Variants in PLAAT1 observed in about 807,000 individuals in gnomAD.
PLAAT1 encodes the protein H-REV107 protein-related protein.
In PLAAT1, 13 loss-of-function variants were observed where a neutral mutation model predicts 16.4. The ratio of observed to expected loss-of-function variants is 0.79; its 90% CI spans 0.52 to 1.26. The LOEUF (loss-of-function observed/expected upper bound fraction) is 1.26. Among genes scored for constraint, PLAAT1 ranks in the 50% most tolerant of loss-of-function variants. PLAAT1 has a pLI of 0.00. For synonymous variants in PLAAT1, 73 were observed against 78.4 expected, an observed-to-expected ratio of 0.93 and a Z score of 0.36; for missense variants, 218 against 207.8, an observed-to-expected ratio of 1.05 and a Z score of -0.30.
intron 2 of PLAAT1, chr3:193,276,821 T>C (rs1488065539): frequency 3.7e-6 from 6 of 1,613,108 alleles, no homozygotes; most frequent in Admixed American, 1.7e-5. Context: ...GATGTTATGG[T>C]TGGGATCAAC....
intron 2 of PLAAT1, among the ~76,000 whole-genome samples, chr3:193,257,688 G>A (rs962494678): frequency 4.6e-5 from 7 of 152,284 alleles, no homozygotes; most frequent in African/African-American, 1.7e-4. Flanking sequence ...GTGTGTCTGT[G>A]AGGGTGTTGC....
At chr3:193,268,741 T>C (rs886846125) in intron 3 of PLAAT1, among the ~76,000 whole-genome samples, 1 of 152,200 alleles carries the variant, frequency 6.6e-6, no homozygotes, top group Non-Finnish European at 1.5e-5. Context: ...ATATCTGGCC[T>C]TTGTCATCTC....
At chr3:193,246,423 G>T (rs1279347127) in intron 1 of PLAAT1, among the ~76,000 whole-genome samples, 3 of 152,046 alleles carry the variant, frequency 2.0e-5, no homozygotes, top group Admixed American at 6.6e-5. Context: ...GGAGTGCAGT[G>T]GTGTGATCTT....
intron 1 of PLAAT1, among the ~76,000 whole-genome samples, chr3:193,252,951 T>C (rs985179210): frequency 2.6e-5 from 4 of 152,150 alleles, no homozygotes; most frequent in African/African-American, 9.6e-5. Context: ...GAAGCCTCAA[T>C]AGGAGCAGCA....
At chr3:193,264,955 A>G (rs796814104) in intron 3 of PLAAT1, among the ~76,000 whole-genome samples, 12 of 152,382 alleles carry the variant, frequency 7.9e-5, no homozygotes, top group African/African-American at 2.9e-4. Context: ...TCAAAGCCAC[A>G]ATGAGATTTC....
chr3:193,273,410 G>T (rs986536291), downstream of PLAAT1, among the ~76,000 whole-genome samples: 11 of 152,260 alleles, frequency 7.2e-5, no homozygotes, highest in African/African-American at 2.6e-4. Flanking sequence ...AACACAGAGG[G>T]ATTGTTTTTA....
At chr3:193,269,811 A>T (rs1716921932) in intron 3 of PLAAT1, among the ~76,000 whole-genome samples, 1 of 152,162 alleles carries the variant, frequency 6.6e-6, no homozygotes, top group South Asian at 2.1e-4. Flanking sequence ...CAAGAATACC[A>T]TGAATATTCA....
Position 193,263,019 on chromosome 3 carries a change from G to C in PLAAT1, c.189G>C (p.Lys63Asn). 1 of 1,614,150 alleles carries C rather than the reference G, an allele frequency of 6.2e-7. No homozygotes were observed. The stretch of plus-strand genomic sequence containing the variant: ...GCGCCAAGTCTGTATTCAGCAGTAA[G>C]GCCCTGGTGAAAATGCAGCTCTTGA... ...FTSAKSVFSSKALVKMQLLKD... is the reference protein window; with the variant it reads ...FTSAKSVFSSNALVKMQLLKD... Residue 63 changes from lysine to asparagine, a missense_variant, in exon 3 of 4, where the codon AAG becomes AAC. Transcript: ENST00000264735.
downstream of PLAAT1, among the ~76,000 whole-genome samples, chr3:193,278,588 T>C (rs1717331644): frequency 6.6e-6 from 1 of 152,208 alleles, no homozygotes; most frequent in Non-Finnish European, 1.5e-5. Context: ...GCTGTTCTTA[T>C]TGGGAATATC....
intron 2 of PLAAT1, among the ~76,000 whole-genome samples, chr3:193,261,339 G>C (rs1178200830): frequency 6.6e-6 from 1 of 151,110 alleles, no homozygotes; most frequent in Non-Finnish European, 1.5e-5. Context: ...CTACACTCCA[G>C]CCTGGGCAAC....
At position 193,255,726 on chromosome 3, in the gene PLAAT1, C is replaced by T. The variant is rs1426196047; in HGVS notation, c.76C>T (p.Pro26Ser). The T allele has an allele frequency of 5.0e-6, 8 of 1,613,282 alleles. No individual in the cohort carries two copies. Among genetic ancestry groups the T allele is most frequent in the Non-Finnish European group, 6.8e-6 (8 of 1,179,562 alleles). Residue 26 changes from proline (P) to serine (S), a missense_variant, in exon 2 of 4, where the codon CCT becomes TCT. By Grantham distance (74) the Pro-to-Ser change is moderately conservative. Transcript: ENST00000264735. ...CPGDLIEVFRPGYQHWALYLG... is the reference protein window; with the variant it reads ...CPGDLIEVFRSGYQHWALYLG... Reference sequence around the variant, plus strand: ...AGGGGACTTGATCGAAGTGTTCCGTCCTGGCTATCAGCACTGGGCCCTGTA... The same window carrying T: ...AGGGGACTTGATCGAAGTGTTCCGTTCTGGCTATCAGCACTGGGCCCTGTA...
downstream of PLAAT1, among the ~76,000 whole-genome samples, chr3:193,271,818 C>T (rs191555330): frequency 1.3e-4 from 20 of 152,258 alleles, no homozygotes; most frequent in Middle Eastern, 3.4e-3. Context: ...AGTCTTGTAC[C>T]TATTAAACTG....
In PLAAT1 at chr3:193,251,462, C is replaced by T. The variant is rs1716189904; in HGVS notation, c.1-4189C>T. Among the ~76,000 whole-genome samples the T allele has an allele frequency of 2.0e-5, 3 of 152,170 alleles. No individual in the cohort carries two copies. The South Asian group carries it at 6.2e-4, about 32-fold the overall frequency. ...TTCCAGGGAGAGATTGGAAGCTGGG[C>T]TGATTCTGGGCACTACAGCAGCTGA... On this transcript the variant is annotated intron_variant, in intron 1 of 3. Transcript: ENST00000264735.
chr3:193,261,748 T>C (rs1033783876), intron 2 of PLAAT1, among the ~76,000 whole-genome samples: 1 of 152,210 alleles, frequency 6.6e-6, no homozygotes, highest in African/African-American at 2.4e-5. Context: ...ATCCTGTAGA[T>C]TGATATTCAA....
At position 193,255,701 on chromosome 3, in the gene PLAAT1, AG is replaced by A. The variant is rs1225404696; in HGVS notation, c.55del (p.Asp19ThrfsTer2). 6.2e-7 allele frequency: 1 copy of A among 1,613,272 alleles called. No homozygotes were observed. Among genetic ancestry groups the A allele is most frequent in the Admixed American group, 1.7e-5 (1 of 59,966 alleles). ...TGAACTACCCTGGCAACCCCTGCCCAGGGGACTTGATCGAAGTGTTCCGTCC... is the reference window on the plus strand; with the variant it reads ...TGAACTACCCTGGCAACCCCTGCCCAGGGACTTGATCGAAGTGTTCCGTCC... ...SLNYPGNPCP[G>X]DLIEVFRPGY... is the part of the protein sequence containing the mutation. On this transcript the variant is annotated frameshift_variant, in exon 2 of 4. Coordinates refer to ENST00000264735, the MANE Select transcript of PLAAT1 (RefSeq NM_020386.5). LOFTEE classifies it high-confidence loss of function.
intron 1 of PLAAT1, among the ~76,000 whole-genome samples, chr3:193,243,254 G>T (rs561711190): frequency 6.6e-6 from 1 of 152,228 alleles, no homozygotes; most frequent in African/African-American, 2.4e-5. Flanking sequence ...GTCTTTAATT[G>T]GTTCTGTGTT....
At chr3:193,264,849 T>C (rs10937575) in intron 3 of PLAAT1, among the ~76,000 whole-genome samples, 67,593 of 152,118 alleles carry the variant, frequency 0.44, 16,033 homozygotes, top group African/African-American at 0.6. Context: ...TTTGCCTTTT[T>C]ATTGTTCAGT....
chr3:193,257,485 C>A (rs902989469), intron 2 of PLAAT1, among the ~76,000 whole-genome samples: 3 of 151,860 alleles, frequency 2.0e-5, no homozygotes, highest in African/African-American at 4.8e-5. Flanking sequence ...TCAATAAAGT[C>A]AAAAAAACTG....
intron 3 of PLAAT1, among the ~76,000 whole-genome samples, chr3:193,264,174 ATGG>A (rs755849880): frequency 1.3e-5 from 2 of 152,216 alleles, no homozygotes; most frequent in African/African-American, 2.4e-5. Flanking sequence ...GTATTTTGAA[ATGG>A]TGGATCAGTT....
Sources: allele counts gnomAD v4.1 joint callset (sites outside exome capture counted in the v4.1 genomes callset), GRCh38; gene constraint gnomAD v4.1.1; transcripts MANE v1.5; gene names NCBI Gene and HGNC (gene_info 2026-07-23, HGNC 2026-07-21).